CELSR3: variants seen among roughly 807,000 people sequenced by gnomAD.
The protein encoded by CELSR3 is EGF-like protein 1.
CELSR3 carries 73 observed loss-of-function variants against 270.0 expected under a neutral mutation model. The ratio of observed to expected loss-of-function variants is 0.27; its 90% CI spans 0.22 to 0.33. The LOEUF is 0.33. Ranked by LOEUF, CELSR3 falls within the 10% of genes least tolerant of loss-of-function variation. The pLI is 1.00. For missense variants in CELSR3, 3,614 were observed against 4,533.8 expected (o/e 0.80, Z 5.83); for synonymous variants, 1,780 against 1,905.4 (o/e 0.93, Z 1.71).
chr3:48,645,577 C>A lies in CELSR3; in HGVS notation c.7663G>T (p.Val2555Leu). 2 of 1,612,358 alleles carry A rather than the reference C, an allele frequency of 1.2e-6. No homozygotes were observed. The highest frequency in any genetic ancestry group is 2.2e-5 in the East Asian group (1 of 44,886). Reference protein sequence around the residue: ...VVVAVSVAALVLTAAILLSLR... With the variant: ...VVVAVSVAALLLTAAILLSLR... ...CTCAGCAGGATGGCTGCAGTCAGCA[C>A]CAGCGCAGCCACAGACACAGCCACG... Residue 2555 changes from valine to leucine, a missense_variant, in exon 24 of 35, where the codon GTG (valine) becomes TTG (leucine). Physicochemically the swap from Val to Leu is conservative, Grantham distance 32 (BLOSUM62 1). Around this residue, in one of 7 missense-constraint regions of CELSR3, gnomAD observed 1,240 missense variants for 1,351.7 expected, o/e 0.92. Transcript: ENST00000164024. The surrounding 1 kb of genome is among the most constrained non-coding windows in gnomAD (Gnocchi z 5.4).
chr3:48,648,961 C>T (rs2047112737), intron 17 of CELSR3, 33 bp from the exon 18 acceptor site: 4 of 1,606,800 alleles, frequency 2.5e-6, no homozygotes, highest in Non-Finnish European at 3.4e-6. Context: ...GCTCTGTGGT[C>T]CCTTAGGCCT....
At position 48,651,305 on chromosome 3, in the gene CELSR3, A is replaced by G; in HGVS notation, c.6186+54T>C. ...GGTGGCGGAGGTCAGCAAGCTGGAC[A>G]GGAATTGCAGATTGCGTCCAAGGAA... On this transcript the variant is annotated intron_variant, in intron 14 of 34. Transcript: ENST00000164024. This position sits in a 1 kb window ranked among gnomAD's most constrained non-coding sequence, Gnocchi z 7.4. The G allele has an allele frequency of 3.1e-6, 5 of 1,604,508 alleles. No homozygotes were observed. The highest frequency in any genetic ancestry group is 4.3e-6 in the Non-Finnish European group (5 of 1,172,954).
In CELSR3 at chr3:48,650,617, G is replaced by T. The variant is rs1307154653; in HGVS notation, c.6371-36C>A. ...AAGAGGTGCTGAGCCAGGCAGTCAG[G>T]GTACAGGGCAGTTGACAGCCACACC... On this transcript the variant is annotated intron_variant, in intron 15 of 34. Coordinates refer to ENST00000164024, the MANE Select transcript of CELSR3 (RefSeq NM_001407.3). The surrounding 1 kb of genome is among the most constrained non-coding windows in gnomAD (Gnocchi z 5.1). 1 of 1,547,752 alleles carries T rather than the reference G, an allele frequency of 6.5e-7. No individual in the cohort carries two copies.
rs772822167 is a variant in CELSR3, at chr3:48,644,752, G to T, written c.8049C>A (p.Ile2683=). 2 of 1,613,592 alleles carry T rather than the reference G, an allele frequency of 1.2e-6. No individual in the cohort carries two copies. The highest frequency in any genetic ancestry group is 3.3e-5 in the Admixed American group (2 of 60,014). Residue 2683 remains isoleucine, a synonymous_variant, in exon 26 of 35, where the codon ATC becomes ATA. Transcript: ENST00000164024. This position sits in a 1 kb window ranked among gnomAD's most constrained non-coding sequence, Gnocchi z 4.8. ...GGACAACAGGGCCAGCAAAGCTCCA[G>T]ATGAGGGGCTCGTGGACTGAGATCC... ...FCWISVHEPL[I]WSFAGPVVLV...
chr3:48,638,655 G>A lies in CELSR3; in HGVS notation c.9912-423C>T, dbSNP rs1180074641. Among the ~76,000 whole-genome samples the A allele has an allele frequency of 5.3e-5, 8 of 152,162 alleles. No individual in the cohort carries two copies. The East Asian group carries it at 7.7e-4, about 15-fold the overall frequency. The stretch of plus-strand genomic sequence containing the variant: ...ACAGAGCTCAAACTCAAACCTGTGC[G>A]ACTCCAGAGCCTGGACCCCTGCTCA... On this transcript the variant is annotated intron_variant, in intron 34 of 34. Transcript: ENST00000164024.
At position 48,653,092 on chromosome 3, in the gene CELSR3, C is replaced by T; in HGVS notation, c.5544G>A (p.Trp1848Ter). The change falls in exon 10 of 35, where the codon TGG becomes TGA. Residue 1848 changes from tryptophan to a stop codon, truncating the protein, a stop_gained. Coordinates refer to ENST00000164024, the MANE Select transcript of CELSR3 (RefSeq NM_001407.3). LOFTEE classifies it high-confidence loss of function. The surrounding 1 kb of genome is among the most constrained non-coding windows in gnomAD (Gnocchi z 6.5). ...CCTGCAACTCCAGCCGCAGATCGTG[C>T]CACCGGCCATCACTGACAGTCACCT... ...LDQVTVSDGRWHDLRLELQEE... is the reference protein window; with the variant it reads ...LDQVTVSDGR The T allele has an allele frequency of 6.2e-7, 1 of 1,613,344 alleles. No individual in the cohort carries two copies. The highest frequency in any genetic ancestry group is 8.5e-7 in the Non-Finnish European group (1 of 1,180,020).
In CELSR3 at chr3:48,656,276, C is replaced by T. The variant is rs771065543; in HGVS notation, c.4489G>A (p.Gly1497Ser). The T allele has an allele frequency of 4.6e-6, 7 of 1,532,552 alleles. No homozygotes were observed. The South Asian group carries it at 6.0e-5, about 13-fold the overall frequency. The allele number at this position is 1,532,552 out of a possible 1,614,324, so 94.9% of individuals were successfully genotyped here. The change falls in exon 3 of 35, where the codon GGC becomes AGC. Residue 1497 changes from glycine (G) to serine (S), a missense_variant. By Grantham distance (56) the Gly-to-Ser change is moderately conservative (BLOSUM62 0). This residue lies in a region of CELSR3 where 1,331 missense variants were observed against 1,933.7 expected (regional missense o/e 0.69). Coordinates refer to ENST00000164024, the MANE Select transcript of CELSR3 (RefSeq NM_001407.3). ...CCTGCCGGGCACTGGCAGCGAAAGC[C>T]GCCGTTGGGCGCGTCGGTGCAGGTG... ...GGTCTDAPNG[G>S]FRCQCPAGGA...
At position 48,654,727 on chromosome 3, in the gene CELSR3, G is replaced by A. The variant is rs189792349; in HGVS notation, c.4989-275C>T. ...GGCTGGCTGGGGAGGGGATGGAGAC[G>A]TGAAGACTCTGGGGGACTGGACATG... On this transcript the variant is annotated intron_variant, in intron 6 of 34. Coordinates refer to ENST00000164024, the MANE Select transcript of CELSR3 (RefSeq NM_001407.3). This position sits in a 1 kb window ranked among gnomAD's most constrained non-coding sequence, Gnocchi z 5.4. 5.9e-5 allele frequency among the ~76,000 whole-genome samples: 9 copies of A among 151,972 alleles called. No homozygotes were observed. Among genetic ancestry groups the A allele is most frequent in the East Asian group, 1.9e-4 (1 of 5,180 alleles).
At position 48,645,647 on chromosome 3, in the gene CELSR3, C is replaced by T; in HGVS notation, c.7593G>A (p.Arg2531=). ...GVLMDASPRE[R]LEGDLELLAV... is the part of the protein sequence containing the mutation. ...CCAGCAGCTCCAGGTCGCCCTCCAGCCTCTACAGAGACAGGGATGGTTGAT... is the reference window on the plus strand; with the variant it reads ...CCAGCAGCTCCAGGTCGCCCTCCAGTCTCTACAGAGACAGGGATGGTTGAT... Residue 2531 remains arginine, a splice_region_variant and synonymous_variant, in exon 24 of 35, where the codon AGG becomes AGA. Transcript: ENST00000164024. This position sits in a 1 kb window ranked among gnomAD's most constrained non-coding sequence, Gnocchi z 5.4. 8.1e-6 allele frequency: 13 copies of T among 1,608,412 alleles called. No individual in the cohort carries two copies. Among genetic ancestry groups the T allele is most frequent in the Non-Finnish European group, 1.1e-5 (13 of 1,176,362 alleles).
In CELSR3 at chr3:48,661,768, C is replaced by G. The variant is rs746656473; in HGVS notation, c.867G>C (p.Gln289His). The change falls in exon 1 of 35, where the codon CAG becomes CAC. Residue 289 changes from glutamine (Q) to histidine (H), a missense_variant. By Grantham distance (24) the Gln-to-His change is conservative. Around this residue, in one of 7 missense-constraint regions of CELSR3, gnomAD observed 470 missense variants for 469.7 expected, o/e 1.00. Coordinates refer to ENST00000164024, the MANE Select transcript of CELSR3 (RefSeq NM_001407.3). ...RGLFRCRFLP[Q>H]RPGPRPPGLP... Reference sequence around the variant, plus strand: ...GTCCCGGGGGACGCGGCCCGGGGCGCTGCGGGAGGAAGCGGCAGCGGAAGA... The same window carrying G: ...GTCCCGGGGGACGCGGCCCGGGGCGGTGCGGGAGGAAGCGGCAGCGGAAGA... The G allele has an allele frequency of 6.9e-6, 11 of 1,598,612 alleles. No individual in the cohort carries two copies. The African/African-American group carries it at 1.5e-4, about 21-fold the overall frequency.
In CELSR3 at chr3:48,640,264, A is replaced by T; in HGVS notation, c.9321T>A (p.Ala3107=). 6.2e-7 allele frequency: 1 copy of T among 1,612,862 alleles called. No individual in the cohort carries two copies. Among genetic ancestry groups the T allele is most frequent in the Non-Finnish European group, 8.5e-7 (1 of 1,179,960 alleles). The stretch of plus-strand genomic sequence containing the variant: ...CTTTGGGCTCCAGTCGGCCTGGTGC[A>T]GCATCCATGCATTCCTGGGACCCTG... ...SRPGSQECMD[A]APGRLEPKDR... The change falls in exon 34 of 35, where the codon GCT becomes GCA. Residue 3107 remains alanine, a synonymous_variant. Transcript: ENST00000164024. The surrounding 1 kb of genome is among the most constrained non-coding windows in gnomAD (Gnocchi z 7.5).
At position 48,661,811 on chromosome 3, in the gene CELSR3, C is replaced by A. The variant is rs1366878310; in HGVS notation, c.824G>T (p.Arg275Leu). The change falls in exon 1 of 35, where the codon CGC becomes CTC. Residue 275 changes from arginine to leucine, a missense_variant. Coordinates refer to ENST00000164024, the MANE Select transcript of CELSR3 (RefSeq NM_001407.3). ...SRTAPEPAPKRMRSRGLFRCR... is the reference protein window; with the variant it reads ...SRTAPEPAPKLMRSRGLFRCR... ...GCGGAAGAGACCCCGGGAGCGCATG[C>A]GCTTGGGCGCCGGCTCGGGAGCTGT... is the stretch of plus-strand genomic sequence containing the variant. 6.2e-7 allele frequency: 1 copy of A among 1,608,968 alleles called. No homozygotes were observed. Among genetic ancestry groups the A allele is most frequent in the East Asian group, 2.2e-5 (1 of 44,850 alleles).
intron 17 of CELSR3, 35 bp downstream of exon 17, chr3:48,649,086 T>G: frequency 6.3e-7 from 1 of 1,591,050 alleles, no homozygotes; most frequent in Non-Finnish European, 8.6e-7. Context: ...CCAAGGAAGG[T>G]CTTAGGTTGC....
Position 48,659,581 on chromosome 3 carries a change from A to G in CELSR3, c.3054T>C (p.Ile1018=), listed in dbSNP as rs761255303. ...GDFTIEPTSG[I]VRTVRRLDRE... ...GGTCTAGCCGCCTTACTGTACGGAC[A>G]ATTCCAGAGGTGGGCTCAATGGTAA... is the stretch of plus-strand genomic sequence containing the variant. Residue 1018 remains isoleucine (I), a synonymous_variant, in exon 1 of 35, where the codon ATT becomes ATC. Coordinates refer to ENST00000164024, the MANE Select transcript of CELSR3 (RefSeq NM_001407.3). This position sits in a 1 kb window ranked among gnomAD's most constrained non-coding sequence, Gnocchi z 8.1. 2.5e-6 allele frequency: 4 copies of G among 1,614,176 alleles called. No individual in the cohort carries two copies. The highest frequency in any genetic ancestry group is 2.5e-6 in the Non-Finnish European group (3 of 1,180,038).
Position 48,640,388 on chromosome 3 carries a change from T to G in CELSR3, c.9197A>C (p.Tyr3066Ser). 6.2e-7 allele frequency: 1 copy of G among 1,612,016 alleles called. No homozygotes were observed. Among genetic ancestry groups the G allele is most frequent in the East Asian group, 2.2e-5 (1 of 44,820 alleles). ...CAGGTCCAGCTGTTCTCTAGAAGAG[T>G]AGCGGCTGGCTGGCTGTGAAAGGCT... ...TGSLSQPASR[Y>S]SSREQLDLLL... Residue 3066 changes from tyrosine (Y) to serine (S), a missense_variant, in exon 34 of 35, where the codon TAC becomes TCC. Physicochemically the swap from Tyr to Ser is moderately radical, Grantham distance 144 (BLOSUM62 -2). Coordinates refer to ENST00000164024, the MANE Select transcript of CELSR3 (RefSeq NM_001407.3). This position sits in a 1 kb window ranked among gnomAD's most constrained non-coding sequence, Gnocchi z 7.5.
intron 19 of CELSR3, 49 bp downstream of exon 19, chr3:48,648,217 C>T: frequency 6.3e-7 from 1 of 1,583,116 alleles, no homozygotes; most frequent in Non-Finnish European, 8.6e-7. Flanking sequence ...GGTACCTGCC[C>T]TTTCATGGCC....
At position 48,636,936 on chromosome 3, in the gene CELSR3, C is replaced by T. The variant is rs2046975560; in HGVS notation, c.*1269G>A. ...CCCCTCAAGATGGCCAGGTCAGGGT[C>T]CTCACAGGTGGGTCCTCCAAGTCCC... is the stretch of plus-strand genomic sequence containing the variant. On this transcript the variant is annotated 3_prime_UTR_variant, in exon 35 of 35. Coordinates refer to ENST00000164024, the MANE Select transcript of CELSR3 (RefSeq NM_001407.3). The T allele has an allele frequency of 6.6e-6, 1 of 152,290 alleles. No homozygotes were observed. The highest frequency in any genetic ancestry group is 2.4e-5 in the African/African-American group (1 of 41,430). 9.4% of individuals were successfully genotyped at this position (152,290 alleles called of 1,614,324 possible).
rs757646510 is a variant in CELSR3, at chr3:48,661,420, C to T, written c.1215G>A (p.Ala405=). ...AGAGGCGCGGCGACCCGTGGTCCTG[C>T]GCGGTCACACGCAGGTAGTGACGCT... The part of the protein sequence containing the change: ...SMERHYLRVT[A]QDHGSPRLSA... The change falls in exon 1 of 35, where the codon GCG becomes GCA. Residue 405 remains alanine, a synonymous_variant. Transcript: ENST00000164024. The T allele has an allele frequency of 3.1e-6, 5 of 1,611,974 alleles. No individual in the cohort carries two copies. The highest frequency in any genetic ancestry group is 1.7e-5 in the Admixed American group (1 of 59,926).
At position 48,661,328 on chromosome 3, in the gene CELSR3, G is replaced by A; in HGVS notation, c.1307C>T (p.Ala436Val). ...RNDHSPVFEQ[A>V]QYRETLRENV... is the part of the protein sequence containing the mutation. ...CTCGCGAAGGGTCTCCCGGTACTGC[G>A]CTTGCTCAAAAACCGGCGAGTGGTC... Residue 436 changes from alanine to valine, a missense_variant, in exon 1 of 35, where the codon GCG (alanine) becomes GTG (valine). Coordinates refer to ENST00000164024, the MANE Select transcript of CELSR3 (RefSeq NM_001407.3). 1 of 1,613,336 alleles carries A rather than the reference G, an allele frequency of 6.2e-7. No homozygotes were observed. The highest frequency in any genetic ancestry group is 8.5e-7 in the Non-Finnish European group (1 of 1,179,908).
Sources: gnomAD v4.1 joint callset for allele counts (sites outside exome capture counted in the v4.1 genomes callset) on GRCh38, gnomAD v4.1.1 for gene constraint, gnomAD v4.1.1 regional missense constraint, Gnocchi (gnomAD v3.1) non-coding constraint, MANE v1.5 for transcripts, NCBI Gene and HGNC (gene_info 2026-07-23, HGNC 2026-07-21) for gene names.